The following SETD9 variants were observed in gnomAD, a reference collection of about 807,000 sequenced individuals.
SETD9 encodes SET domain containing 9, also known as SET domain-containing protein 9.
A neutral mutation model predicts 36.4 loss-of-function variants in SETD9; 37 were observed. The observed-to-expected ratio is 1.02, with a 90% CI of 0.78 to 1.34. The LOEUF is 1.34. Among genes scored for constraint, SETD9 ranks in the 40% most tolerant of loss-of-function variants. The probability of loss-of-function intolerance (pLI) is 0.00; values close to 1 mark genes in which losing one functional copy is unlikely to be tolerated. For synonymous variants in SETD9, 128 were observed against 132.9 expected (o/e 0.96, Z 0.26); for missense variants, 323 against 353.2 (o/e 0.91, Z 0.69).
chr5:56,924,709 A>C (rs1428532569), intron 5 of SETD9, among the ~76,000 whole-genome samples: 1 of 152,200 alleles, frequency 6.6e-6, no homozygotes, highest in Non-Finnish European at 1.5e-5. Context: ...TTGGCTCCAC[A>C]CCCAAACCAG....
intron 5 of SETD9, chr5:56,923,661 G>A: frequency 7.4e-6 from 12 of 1,614,064 alleles, no homozygotes; most frequent in Non-Finnish European, 9.3e-6. Flanking sequence ...GCAACAAACT[G>A]TACTAAATGC....
At position 56,914,904 on chromosome 5, in the gene SETD9, A is replaced by AG; in HGVS notation, c.751dup (p.Val251GlyfsTer18). On this transcript the variant is annotated frameshift_variant, in exon 5 of 6. Transcript: ENST00000285947. LOFTEE classifies it high-confidence loss of function. Reference sequence around the variant, plus strand: ...GTTATCAGGAATTTGATGTGCCTGCAGTTTTCCCTATAGAACTGAAGCAGT... The same window carrying AG: ...GTTATCAGGAATTTGATGTGCCTGCAGGTTTTCCCTATAGAACTGAAGCAGT... The AG allele has an allele frequency of 6.2e-7, 1 of 1,603,088 alleles. No individual in the cohort carries two copies. Among genetic ancestry groups the AG allele is most frequent in the South Asian group, 1.1e-5 (1 of 89,750 alleles).
chr5:56,912,222 C>T, intron 2 of SETD9: 5 of 985,160 alleles, frequency 5.1e-6, no homozygotes, highest in Non-Finnish European at 6.0e-6. Context: ...CATAAGTCAC[C>T]GAATGAAGAC....
chr5:56,923,671 C>T (rs372162775), intron 5 of SETD9: 2 of 1,613,968 alleles, frequency 1.2e-6, no homozygotes, highest in African/African-American at 2.7e-5. Context: ...GTACTAAATG[C>T]AGAAAGGTCT....
intron 1 of SETD9, 92 bp downstream of exon 1, chr5:56,909,835 T>G (rs252923): frequency 0.61 from 663,774 of 1,081,388 alleles, 205,306 homozygotes; most frequent in Non-Finnish European, 0.65. Context: ...AGCCTGAGGC[T>G]GACTGCCGGC....
intron 1 of SETD9, chr5:56,910,050 T>C (rs1164224045): frequency 4.6e-6 from 6 of 1,300,344 alleles, no homozygotes; most frequent in Non-Finnish European, 5.9e-6. Context: ...TCCGCTGCGC[T>C]GCCGGGCCCG....
intron 1 of SETD9, chr5:56,910,409 C>A: frequency 7.7e-7 from 1 of 1,303,402 alleles, no homozygotes; most frequent in Middle Eastern, 2.1e-4. Flanking sequence ...GTCCCGCCGG[C>A]GTTATTAAGG....
In SETD9 at chr5:56,911,623, T is replaced by G. The variant is rs1049278998; in HGVS notation, c.466+87T>G. The G allele has an allele frequency of 7.4e-6, 10 of 1,351,930 alleles. No homozygotes were observed. In the African/African-American group the frequency reaches 1.3e-4, roughly 18 times the overall value. The allele number at this position is 1,351,930 out of a possible 1,614,324, so 83.7% of individuals were successfully genotyped here. On this transcript the variant is annotated intron_variant, in intron 2 of 5. Coordinates refer to ENST00000285947, the MANE Select transcript of SETD9 (RefSeq NM_153706.4). ...AGTAACATACCCAGCCTTGCAATCCTTAGAGTAAGGGATTAAATTGGAAAC... is the reference window on the plus strand; with the variant it reads ...AGTAACATACCCAGCCTTGCAATCCGTAGAGTAAGGGATTAAATTGGAAAC...
downstream of SETD9, among the ~76,000 whole-genome samples, chr5:56,917,767 T>C (rs1749493362): frequency 2.0e-5 from 3 of 152,228 alleles, no homozygotes; most frequent in Admixed American, 2.0e-4. Flanking sequence ...TGTAATATAT[T>C]GGCAGGCCAA....
At chr5:56,918,301 C>T (rs1041451092), downstream of SETD9, among the ~76,000 whole-genome samples, 1 of 152,134 alleles carries the variant, frequency 6.6e-6, no homozygotes. Context: ...TAAACATCTT[C>T]CCCCAGACAG....
At chr5:56,915,026 G>T in intron 5 of SETD9, 60 bp downstream of exon 5, 1 of 1,265,344 alleles carries the variant, frequency 7.9e-7, no homozygotes, top group South Asian at 1.9e-5. Context: ...AAAAAATATA[G>T]AAGAAAAAGC....
At chr5:56,920,827 G>T (rs1272684825), downstream of SETD9, 1 of 152,358 alleles carries the variant, frequency 6.6e-6, no homozygotes, top group Non-Finnish European at 1.5e-5. Flanking sequence ...CAAAAATCTT[G>T]CAAATTATTG....
At chr5:56,921,385 C>T (rs1246910805), downstream of SETD9, 1 of 152,310 alleles carries the variant, frequency 6.6e-6, no homozygotes, top group Non-Finnish European at 1.5e-5. Flanking sequence ...CCCAGGCTAC[C>T]CATTATTTAC....
intron 3 of SETD9, 37 bp from the exon 4 acceptor site, chr5:56,913,837 A>G (rs755293958): frequency 1.1e-5 from 14 of 1,262,986 alleles, no homozygotes; most frequent in Non-Finnish European, 1.6e-5. Flanking sequence ...CTATTTTAAG[A>G]TACAGATCCA....
intron 5 of SETD9, 75 bp from the exon 6 acceptor site, chr5:56,916,740 G>T: frequency 8.7e-6 from 13 of 1,487,868 alleles, no homozygotes; most frequent in Non-Finnish European, 1.2e-5. Context: ...CTCTATAAAA[G>T]CCATCTTGGT....
chr5:56,927,300 A>T (rs780177796), downstream of SETD9, among the ~76,000 whole-genome samples: 1 of 152,048 alleles, frequency 6.6e-6, no homozygotes, highest in Non-Finnish European at 1.5e-5. Flanking sequence ...AATGTACCAC[A>T]CTATTAATAA....
At position 56,910,053 on chromosome 5, in the gene SETD9, C is replaced by G. The variant is rs1048470360; in HGVS notation, c.98+310C>G. ...TCTTTCCCAGTGTCCGCTGCGCTGC[C>G]GGGCCCGCGAGGCCGAGCTCGCCAG... On this transcript the variant is annotated intron_variant, in intron 1 of 5. Coordinates refer to ENST00000285947, the MANE Select transcript of SETD9 (RefSeq NM_153706.4). The G allele has an allele frequency of 5.8e-5, 75 of 1,298,630 alleles. 1 individual carries two copies. In the South Asian group the frequency reaches 1.1e-3, roughly 20 times the overall value. The allele number at this position is 1,298,630 out of a possible 1,614,324, so 80.4% of individuals were successfully genotyped here. A position where few individuals can be genotyped will look rare whatever the true frequency, so the allele number is the denominator to read the frequency against.
chr5:56,913,377 A>AT (rs1023350543), intron 3 of SETD9, among the ~76,000 whole-genome samples: 2 of 144,480 alleles, frequency 1.4e-5, no homozygotes, highest in African/African-American at 5.1e-5. Context: ...TCATTTTATT[A>AT]TTTTTTTTAC....
intron 3 of SETD9, 103 bp downstream of exon 3, chr5:56,913,237 A>C: frequency 7.5e-7 from 1 of 1,332,542 alleles, no homozygotes; most frequent in South Asian, 1.5e-5. Flanking sequence ...TTTTATATAA[A>C]GAGATGGGGT....
Sources: allele counts gnomAD v4.1 joint callset (sites outside exome capture counted in the v4.1 genomes callset), GRCh38; gene constraint gnomAD v4.1.1; transcripts MANE v1.5; gene names NCBI Gene and HGNC (gene_info 2026-07-23, HGNC 2026-07-21).